Variants in COL23A1 observed in about 807,000 individuals in gnomAD.
COL23A1 encodes the protein collagen alpha-1(XXIII) chain.
COL23A1 carries 97 observed loss-of-function variants against 99.3 expected under a neutral mutation model. The ratio of observed to expected loss-of-function variants is 0.98; its 90% CI spans 0.83 to 1.16. The LOEUF (loss-of-function observed/expected upper bound fraction) is 1.16, where lower values mean the gene tolerates loss of function less well. Among genes scored for constraint, COL23A1 ranks in the 50% most tolerant of loss-of-function variants. The probability of loss-of-function intolerance (pLI) is 0.00; values close to 1 mark genes in which losing one functional copy is unlikely to be tolerated. For missense variants in COL23A1, 762 were observed against 757.4 expected (o/e 1.01, Z -0.07); for synonymous variants, 320 against 308.2 (o/e 1.04, Z -0.40).
chr5:178,579,368 T>C (rs147530956), intron 1 of COL23A1, among the ~76,000 whole-genome samples: 1 of 152,176 alleles, frequency 6.6e-6, no homozygotes, highest in African/African-American at 2.4e-5. Context: ...CAAACTGAGG[T>C]TTGGAAAAAC....
At chr5:178,286,835 C>T (rs938847634) in intron 5 of COL23A1, among the ~76,000 whole-genome samples, 2 of 152,162 alleles carry the variant, frequency 1.3e-5, no homozygotes, top group Admixed American at 6.5e-5. Context: ...TGGTGGGGAA[C>T]GGACCGGACC....
At chr5:178,512,230 G>A (rs1021847910) in intron 2 of COL23A1, among the ~76,000 whole-genome samples, 1 of 152,248 alleles carries the variant, frequency 6.6e-6, no homozygotes, top group Non-Finnish European at 1.5e-5. Flanking sequence ...CTTAGCATTA[G>A]TGGTATTGTA....
chr5:178,368,431 C>A (rs916797434), intron 2 of COL23A1, among the ~76,000 whole-genome samples: 1 of 152,176 alleles, frequency 6.6e-6, no homozygotes, highest in East Asian at 1.9e-4. Flanking sequence ...CTGATGAACC[C>A]ACACTGACGA....
At chr5:178,530,779 G>A (rs776834642) in intron 2 of COL23A1, among the ~76,000 whole-genome samples, 2 of 152,130 alleles carry the variant, frequency 1.3e-5, no homozygotes, top group Non-Finnish European at 1.5e-5. Context: ...CCCCAACCTC[G>A]TTCTAGCCTC....
chr5:178,420,502 C>CA (rs1375940289), intron 2 of COL23A1, among the ~76,000 whole-genome samples: 2 of 78,970 alleles, frequency 2.5e-5, no homozygotes, highest in Admixed American at 1.1e-4. Context: ...CTCCCCTCCC[C>CA]CCTTTTTCCT....
intron 2 of COL23A1, among the ~76,000 whole-genome samples, chr5:178,492,897 T>C (rs189498688): frequency 4.3e-4 from 66 of 152,220 alleles, no homozygotes; most frequent in African/African-American, 1.4e-3. Flanking sequence ...CTCAGTTCCT[T>C]GTCCGTGAAA....
At chr5:178,570,327 T>G (rs1407529746) in intron 1 of COL23A1, among the ~76,000 whole-genome samples, 1 of 152,112 alleles carries the variant, frequency 6.6e-6, no homozygotes, top group Non-Finnish European at 1.5e-5. Flanking sequence ...CAAAATGATC[T>G]CAAACTCCTG....
At chr5:178,566,311 G>A (rs1581651538) in intron 1 of COL23A1, among the ~76,000 whole-genome samples, 1 of 152,160 alleles carries the variant, frequency 6.6e-6, no homozygotes, top group Admixed American at 6.5e-5. Flanking sequence ...ATGGACCCAT[G>A]ATTATGCATT....
At chr5:178,269,855 C>G (rs932057736) in intron 6 of COL23A1, among the ~76,000 whole-genome samples, 1 of 152,164 alleles carries the variant, frequency 6.6e-6, no homozygotes, top group Non-Finnish European at 1.5e-5. Flanking sequence ...ATCCATCCAT[C>G]CACCTCAAAT....
rs1765007497 is a variant in COL23A1 at position 178,251,024 on chromosome 5, AATTTTTTTTT to A, written c.1015-929_1015-920del. Among the ~76,000 whole-genome samples, 7 of 82,196 alleles carry A rather than the reference AATTTTTTTTT, an allele frequency of 8.5e-5. No homozygotes were observed. The South Asian group carries it at 3.7e-3, about 44-fold the overall frequency. 53.9% of individuals were successfully genotyped at this position (82,196 alleles called of 152,430 possible). ...AGAGTATGTTCTCTAATCGCAAGAT[AATTTTTTTTT>A]TTTTTTGAGACAGAGTCTTGCTATG... On this transcript the variant is annotated intron_variant, in intron 17 of 28. Transcript: ENST00000390654.
chr5:178,288,611 C>T (rs1048844075), intron 4 of COL23A1: 44 of 591,764 alleles, frequency 7.4e-5, no homozygotes, highest in Admixed American at 1.2e-4. Context: ...GCCCTCCCCA[C>T]GCTGGCCAGG....
chr5:178,350,409 C>T (rs1246019701), intron 2 of COL23A1, among the ~76,000 whole-genome samples: 5 of 152,130 alleles, frequency 3.3e-5, no homozygotes, highest in Non-Finnish European at 7.3e-5. Context: ...GGGGAGTGGC[C>T]GGCATGGCAC....
intron 2 of COL23A1, among the ~76,000 whole-genome samples, chr5:178,539,140 A>G (rs6889736): frequency 0.18 from 28,051 of 152,156 alleles, 2,870 homozygotes; most frequent in Middle Eastern, 0.3. Context: ...TGTTCTGAAA[A>G]TAACTGTGGA....
intron 2 of COL23A1, among the ~76,000 whole-genome samples, chr5:178,494,705 G>T (rs534875327): frequency 2.0e-5 from 3 of 152,272 alleles, no homozygotes; most frequent in Non-Finnish European, 4.4e-5. Context: ...TTGCTGCCTG[G>T]TTCCCCAAAC....
intron 7 of COL23A1, 40 bp from the exon 8 acceptor site, chr5:178,267,373 C>T: frequency 6.2e-7 from 1 of 1,607,348 alleles, no homozygotes; most frequent in Non-Finnish European, 8.5e-7. Context: ...CCACTGCTTT[C>T]ATCGTTTCTT....
At chr5:178,290,265 C>T in intron 4 of COL23A1, 97 bp downstream of exon 4, 1 of 1,568,822 alleles carries the variant, frequency 6.4e-7, no homozygotes, top group Non-Finnish European at 8.8e-7. Context: ...TCTGAGGACA[C>T]ACCTCCCTAA....
At position 178,270,344 on chromosome 5, in the gene COL23A1, C is replaced by A; in HGVS notation, c.461G>T (p.Gly154Val). ...DGYPGPLGLD[G>V]KPGLPGPKGE... is the part of the protein sequence containing the mutation. ...TGCCCTGTCATCACTTACGGGCTTG[C>A]CATCCAAACCCAGGGGTCCCTGGAA... The change falls in exon 6 of 29, where the codon GGC (glycine) becomes GTC (valine). Residue 154 changes from glycine to valine, a missense_variant. By Grantham distance (109) the Gly-to-Val change is moderately radical. Transcript: ENST00000390654. 6.2e-7 allele frequency: 1 copy of A among 1,613,824 alleles called. No homozygotes were observed.
chr5:178,517,944 A>C (rs1294093694), intron 2 of COL23A1, among the ~76,000 whole-genome samples: 1 of 115,642 alleles, frequency 8.6e-6, no homozygotes, highest in East Asian at 3.3e-4. Flanking sequence ...TTTCTCACAG[A>C]GGGGGATTTG....
At chr5:178,369,125 G>T (rs1343913562) in intron 2 of COL23A1, among the ~76,000 whole-genome samples, 2 of 152,242 alleles carry the variant, frequency 1.3e-5, no homozygotes, top group Non-Finnish European at 2.9e-5. Flanking sequence ...TTCAGTGCGG[G>T]TCAGGAGGGA....
Sources: gnomAD v4.1 joint callset for allele counts (sites outside exome capture counted in the v4.1 genomes callset) on GRCh38, gnomAD v4.1.1 for gene constraint, MANE v1.5 for transcripts, NCBI Gene and HGNC (gene_info 2026-07-23, HGNC 2026-07-21) for gene names.